COMMD10: variants seen among roughly 807,000 people sequenced by gnomAD.
The protein encoded by COMMD10 is COMM domain containing 10.
COMMD10 carries 33 observed loss-of-function variants against 28.9 expected under a neutral mutation model. The observed-to-expected ratio is 1.14, with a 90% CI of 0.87 to 1.53. COMMD10 has a LOEUF of 1.53. COMMD10 is among the 40% of genes most tolerant of loss of function. The pLI is 0.00. For missense variants in COMMD10, 310 were observed against 233.4 expected (o/e 1.33, Z -2.14); for synonymous variants, 110 against 81.7 (o/e 1.35, Z -1.87).
At chr5:116,178,195 G>T (rs1313488554) in intron 5 of COMMD10, among the ~76,000 whole-genome samples, 1 of 152,066 alleles carries the variant, frequency 6.6e-6, no homozygotes, top group Non-Finnish European at 1.5e-5. Context: ...ATGGAGTTGA[G>T]ATAGAAACCA....
At chr5:116,229,180 T>A (rs941266757) in intron 5 of COMMD10, among the ~76,000 whole-genome samples, 3 of 152,038 alleles carry the variant, frequency 2.0e-5, no homozygotes, top group African/African-American at 7.2e-5. Flanking sequence ...ACTCATAGAA[T>A]GAAAGATGAG....
intron 5 of COMMD10, among the ~76,000 whole-genome samples, chr5:116,148,702 G>C (rs1448282989): frequency 1.3e-5 from 2 of 151,540 alleles, no homozygotes; most frequent in Non-Finnish European, 2.9e-5. Flanking sequence ...AGCAATCAAA[G>C]AGAAAAGATA....
chr5:116,108,771 G>A (rs544451207), intron 4 of COMMD10, among the ~76,000 whole-genome samples: 1 of 152,220 alleles, frequency 6.6e-6, no homozygotes, highest in Admixed American at 6.5e-5. Flanking sequence ...CTAGCCTGGT[G>A]TCTGCCCAAA....
chr5:116,276,696 T>C (rs1750921795), intron 5 of COMMD10, among the ~76,000 whole-genome samples: 1 of 151,856 alleles, frequency 6.6e-6, no homozygotes, highest in African/African-American at 2.4e-5. Flanking sequence ...GAATTTTTAC[T>C]GATACATGCT....
At chr5:116,120,468 C>A (rs1376578871) in intron 4 of COMMD10, among the ~76,000 whole-genome samples, 2 of 151,950 alleles carry the variant, frequency 1.3e-5, no homozygotes, top group African/African-American at 4.8e-5. Context: ...CCCATGTAAG[C>A]AAATACCACC....
chr5:116,086,979 A>C (rs1313504936), intron 1 of COMMD10, among the ~76,000 whole-genome samples: 2 of 152,214 alleles, frequency 1.3e-5, no homozygotes, highest in East Asian at 3.9e-4. Context: ...CCTATCTCAA[A>C]ATTGATTACT....
intron 5 of COMMD10, among the ~76,000 whole-genome samples, chr5:116,273,060 C>A (rs527602553): frequency 1.3e-5 from 2 of 151,922 alleles, no homozygotes; most frequent in African/African-American, 4.8e-5. Flanking sequence ...ACATTTCACC[C>A]ACAATTCATC....
chr5:116,270,223 C>G (rs254149), intron 5 of COMMD10, among the ~76,000 whole-genome samples: 31,960 of 151,490 alleles, frequency 0.21, 3,649 homozygotes, highest in Admixed American at 0.31. Context: ...TTAGGCTTTT[C>G]GAAAGCAAAA....
At chr5:116,095,358 G>A (rs1375513314) in intron 4 of COMMD10, among the ~76,000 whole-genome samples, 1 of 152,164 alleles carries the variant, frequency 6.6e-6, no homozygotes, top group Non-Finnish European at 1.5e-5. Flanking sequence ...CTCAACCACA[G>A]GCTAATGTAA....
At chr5:116,269,556 G>A (rs1048065148) in intron 5 of COMMD10, among the ~76,000 whole-genome samples, 1 of 151,534 alleles carries the variant, frequency 6.6e-6, no homozygotes, top group African/African-American at 2.4e-5. Flanking sequence ...TTTTTTTCAG[G>A]CATTTCAATG....
chr5:116,110,868 A>G (rs545180135), intron 4 of COMMD10, among the ~76,000 whole-genome samples: 22 of 145,374 alleles, frequency 1.5e-4, no homozygotes, highest in African/African-American at 5.1e-4. Context: ...TGTGAGGACA[A>G]TACCAAGAGG....
chr5:116,278,312 A>G (rs991607311), intron 5 of COMMD10, among the ~76,000 whole-genome samples: 1 of 151,794 alleles, frequency 6.6e-6, no homozygotes, highest in African/African-American at 2.4e-5. Context: ...ATATTCAGCA[A>G]CCATAGCTAA....
chr5:116,152,243 C>G (rs1580494484), intron 5 of COMMD10, among the ~76,000 whole-genome samples: 4 of 152,080 alleles, frequency 2.6e-5, no homozygotes, highest in South Asian at 4.2e-4. Context: ...AATTTGTGTT[C>G]TTTTACATTT....
rs191041389 is a variant in COMMD10, at chr5:116,134,341, G to T, written c.510+163G>T. Among the ~76,000 whole-genome samples the T allele has an allele frequency of 2.1e-3, 316 of 152,174 alleles. 2 individuals carry two copies. The highest frequency in any genetic ancestry group is 2.5e-3 in the Non-Finnish European group (171 of 68,008). On this transcript the variant is annotated intron_variant, in intron 5 of 6. Transcript: ENST00000274458. ...TGACAGAAATAGCTTATCTTGCAAGGTGCCTTTCTTACAAAAACATTTCAT... is the reference window on the plus strand; with the variant it reads ...TGACAGAAATAGCTTATCTTGCAAGTTGCCTTTCTTACAAAAACATTTCAT...
intron 5 of COMMD10, among the ~76,000 whole-genome samples, chr5:116,171,982 ATCTG>A (rs1230735688): frequency 2.6e-5 from 4 of 152,264 alleles, no homozygotes; most frequent in Admixed American, 1.3e-4. Flanking sequence ...TAATAAAAAA[ATCTG>A]TCCGTTGTTT....
In COMMD10 at chr5:116,170,221, G is replaced by A. The variant is rs146898069; in HGVS notation, c.510+36043G>A. On this transcript the variant is annotated intron_variant, in intron 5 of 6. Coordinates refer to ENST00000274458, the MANE Select transcript of COMMD10 (RefSeq NM_016144.4). ...AGACAAACTGAGAGCCAAATCATGA[G>A]CAAACTCCCATTCACAATTGCTACA... Among the ~76,000 whole-genome samples the A allele has an allele frequency of 2.6e-3, 399 of 152,208 alleles. 1 individual carries two copies. Among genetic ancestry groups the A allele is most frequent in the African/African-American group, 9.0e-3 (372 of 41,524 alleles).
At chr5:116,189,778 T>C (rs576018841) in intron 5 of COMMD10, among the ~76,000 whole-genome samples, 1 of 152,184 alleles carries the variant, frequency 6.6e-6, no homozygotes, top group Non-Finnish European at 1.5e-5. Context: ...AATGAAAATC[T>C]AATGAACAGT....
At chr5:116,176,659 G>A (rs1229243130) in intron 5 of COMMD10, among the ~76,000 whole-genome samples, 2 of 151,960 alleles carry the variant, frequency 1.3e-5, no homozygotes, top group African/African-American at 2.4e-5. Context: ...CTATAAGGTT[G>A]TACTCTTAAT....
At chr5:116,257,859 T>A (rs574095147) in intron 5 of COMMD10, among the ~76,000 whole-genome samples, 3 of 151,746 alleles carry the variant, frequency 2.0e-5, no homozygotes, top group Non-Finnish European at 4.4e-5. Context: ...TGTGGTCATC[T>A]GAATTTTGGG....
Sources: gnomAD v4.1 joint callset for allele counts (sites outside exome capture counted in the v4.1 genomes callset) on GRCh38, gnomAD v4.1.1 for gene constraint, MANE v1.5 for transcripts, NCBI Gene and HGNC (gene_info 2026-07-23, HGNC 2026-07-21) for gene names.